The following LRP1B variants were observed in gnomAD, a reference collection of about 807,000 sequenced individuals.
The protein encoded by LRP1B is LDL receptor related protein 1B.
In LRP1B, 217 loss-of-function variants were observed where a neutral mutation model predicts 556.6. That is an observed-to-expected ratio of 0.39 (90% CI 0.35 to 0.44). The LOEUF is 0.44. LRP1B is among the 20% of genes least tolerant of loss of function. The probability of loss-of-function intolerance (pLI) is 1.00; values close to 1 mark genes in which losing one functional copy is unlikely to be tolerated. For missense variants in LRP1B, 5,053 were observed against 5,620.8 expected, an observed-to-expected ratio of 0.90 and a Z score of 3.23; for synonymous variants, 2,047 against 1,865.8, an observed-to-expected ratio of 1.10 and a Z score of -2.50.
At chr2:140,591,930 C>T (rs1315640124) in intron 43 of LRP1B, among the ~76,000 whole-genome samples, 2 of 152,092 alleles carry the variant, frequency 1.3e-5, no homozygotes, top group African/African-American at 4.8e-5. Context: ...AAAATCCTAT[C>T]ACCCAAGTCA....
At chr2:141,788,080 A>G (rs1449569213) in intron 2 of LRP1B, among the ~76,000 whole-genome samples, 1 of 152,018 alleles carries the variant, frequency 6.6e-6, no homozygotes, top group East Asian at 1.9e-4. Context: ...GATAGAAGTA[A>G]GCTTTCCTTA....
At chr2:140,704,980 C>T (rs1686776719) in intron 37 of LRP1B, among the ~76,000 whole-genome samples, 1 of 152,038 alleles carries the variant, frequency 6.6e-6, no homozygotes, top group Non-Finnish European at 1.5e-5. Flanking sequence ...TAGCAACCAA[C>T]CTACTTAGCC....
intron 1 of LRP1B, among the ~76,000 whole-genome samples, chr2:141,903,744 G>A (rs921847482): frequency 6.6e-6 from 1 of 151,860 alleles, no homozygotes. Flanking sequence ...TACAGATTTG[G>A]GGTTGGGAGT....
chr2:140,930,081 T>G (rs1695006636), intron 20 of LRP1B, among the ~76,000 whole-genome samples: 1 of 152,006 alleles, frequency 6.6e-6, no homozygotes, highest in African/African-American at 2.4e-5. Context: ...GCCGGTATGG[T>G]TCCCCAGAGT....
At chr2:141,421,732 G>T (rs189809459) in intron 3 of LRP1B, among the ~76,000 whole-genome samples, 115 of 151,488 alleles carry the variant, frequency 7.6e-4, no homozygotes, top group Non-Finnish European at 1.5e-3. Context: ...AGTGTCTTTT[G>T]CTAGAGAGGG....
At chr2:140,890,843 T>G (rs1573848927) in intron 23 of LRP1B, among the ~76,000 whole-genome samples, 1 of 152,054 alleles carries the variant, frequency 6.6e-6, no homozygotes, top group East Asian at 1.9e-4. Context: ...AAATGAAACC[T>G]TGTAAAAAAG....
At chr2:141,411,545 G>T (rs1430004159) in intron 3 of LRP1B, among the ~76,000 whole-genome samples, 1 of 152,098 alleles carries the variant, frequency 6.6e-6, no homozygotes. Flanking sequence ...GTTTGCCAGT[G>T]TCAGACTTGC....
chr2:141,741,903 T>C (rs74623174), intron 2 of LRP1B, among the ~76,000 whole-genome samples: 5,403 of 152,292 alleles, frequency 0.035, 297 homozygotes, highest in African/African-American at 0.12. Context: ...CATTGCTTTC[T>C]TTCAGTAGTC....
chr2:140,606,038 A>C (rs2105212066), intron 41 of LRP1B, among the ~76,000 whole-genome samples: 1 of 152,122 alleles, frequency 6.6e-6, no homozygotes, highest in Non-Finnish European at 1.5e-5. Flanking sequence ...AGAGAGAGAG[A>C]GACAGAGAGA....
intron 7 of LRP1B, among the ~76,000 whole-genome samples, chr2:141,184,141 TC>T (rs1681131970): frequency 6.6e-6 from 1 of 152,056 alleles, no homozygotes; most frequent in African/African-American, 2.4e-5. Flanking sequence ...AAAATGCAGT[TC>T]CACAGACAAA....
At chr2:141,177,537 G>A (rs2105161884) in intron 7 of LRP1B, among the ~76,000 whole-genome samples, 1 of 152,202 alleles carries the variant, frequency 6.6e-6, no homozygotes, top group African/African-American at 2.4e-5. Flanking sequence ...AAAGAAATGT[G>A]TATTGAACCT....
At chr2:140,470,370 GTGGTGGCTCACGCC>G (rs1687710751) in intron 60 of LRP1B, among the ~76,000 whole-genome samples, 1 of 152,038 alleles carries the variant, frequency 6.6e-6, no homozygotes, top group Non-Finnish European at 1.5e-5. Flanking sequence ...TGGGCCGGGC[GTGGTGGCTCACGCC>G]TGTAATCCCA....
chr2:141,828,177 T>A (rs1696998667), intron 1 of LRP1B, among the ~76,000 whole-genome samples: 1 of 152,134 alleles, frequency 6.6e-6, no homozygotes, highest in African/African-American at 2.4e-5. Context: ...TTAATGTTTA[T>A]TTGATCTGGA....
chr2:140,831,348 G>C (rs923084797), intron 31 of LRP1B, among the ~76,000 whole-genome samples: 2 of 152,138 alleles, frequency 1.3e-5, no homozygotes, highest in African/African-American at 4.8e-5. Flanking sequence ...GAACACGCTA[G>C]AGAACTCAGA....
intron 2 of LRP1B, among the ~76,000 whole-genome samples, chr2:141,510,780 CTT>C (rs1248121497): frequency 4.6e-5 from 7 of 151,716 alleles, no homozygotes; most frequent in African/African-American, 1.7e-4. Context: ...ATTATCCTGA[CTT>C]ATTTCTTTTT....
At chr2:141,431,178 C>T (rs4387726) in intron 3 of LRP1B, among the ~76,000 whole-genome samples, 72,625 of 151,338 alleles carry the variant, frequency 0.48, 17,678 homozygotes, top group East Asian at 0.69. Context: ...AAATAGATTA[C>T]CATAGATTAT....
chr2:141,860,567 G>C (rs1321178702), intron 1 of LRP1B, among the ~76,000 whole-genome samples: 4 of 152,006 alleles, frequency 2.6e-5, no homozygotes, highest in African/African-American at 9.7e-5. Flanking sequence ...ACTTCATCAT[G>C]CTATGTAATT....
chr2:141,816,136 G>GA (rs11423535), intron 1 of LRP1B, among the ~76,000 whole-genome samples: 7,303 of 152,154 alleles, frequency 0.048, 563 homozygotes, highest in African/African-American at 0.16. Flanking sequence ...AATTCTTTGG[G>GA]AAAATCTCAG....
chr2:141,995,368 C>T (rs1426497562), intron 1 of LRP1B, among the ~76,000 whole-genome samples: 1 of 152,134 alleles, frequency 6.6e-6, no homozygotes, highest in East Asian at 1.9e-4. Context: ...GAGTCCTTCT[C>T]ACTGAATATC....
Sources: gnomAD v4.1 joint callset for allele counts (sites outside exome capture counted in the v4.1 genomes callset) on GRCh38, gnomAD v4.1.1 for gene constraint, MANE v1.5 for transcripts, NCBI Gene and HGNC (gene_info 2026-07-23, HGNC 2026-07-21) for gene names.